The following PLCL2 variants were observed in gnomAD, a reference collection of about 807,000 sequenced individuals.
PLCL2 encodes the protein inactive phospholipase C-like protein 2.
A neutral mutation model predicts 79.6 loss-of-function variants in PLCL2; 4 were observed. The observed-to-expected ratio is 0.05, with a 90% CI of 0.02 to 0.11. The LOEUF is 0.11. Among genes scored for constraint, PLCL2 ranks in the 10% least tolerant of loss-of-function variants. PLCL2 has a pLI of 1.00. For synonymous variants in PLCL2, 484 were observed against 457.7 expected, an observed-to-expected ratio of 1.06 and a Z score of -0.73; for missense variants, 895 against 1,291.0, an observed-to-expected ratio of 0.69 and a Z score of 4.70.
intron 5 of PLCL2, chr3:17,081,058 C>T: frequency 2.4e-6 from 1 of 417,698 alleles, no homozygotes; most frequent in East Asian, 7.1e-5. Context: ...CGTAATCTCT[C>T]TAAACTCAGT....
intron 3 of PLCL2, among the ~76,000 whole-genome samples, chr3:17,015,816 CAG>C (rs2064377876): frequency 6.6e-6 from 1 of 152,182 alleles, no homozygotes; most frequent in South Asian, 2.1e-4. Flanking sequence ...TAAACCTAAA[CAG>C]AAATATTTTT....
At chr3:16,975,655 G>T (rs549895702) in intron 1 of PLCL2, among the ~76,000 whole-genome samples, 1 of 152,268 alleles carries the variant, frequency 6.6e-6, no homozygotes, top group East Asian at 1.9e-4. Context: ...AAGTGGTTGG[G>T]ACGTGGGGCG....
intron 1 of PLCL2, among the ~76,000 whole-genome samples, chr3:16,957,649 A>G (rs1575552434): frequency 6.6e-6 from 1 of 151,938 alleles, no homozygotes; most frequent in Admixed American, 6.6e-5. Context: ...TCCCATTATT[A>G]TTGTGTGGGA....
intron 5 of PLCL2, among the ~76,000 whole-genome samples, chr3:17,079,027 A>T (rs2065135943): frequency 6.6e-6 from 1 of 152,000 alleles, no homozygotes; most frequent in Non-Finnish European, 1.5e-5. Context: ...AAACATTGGG[A>T]CCCCACTCAT....
At chr3:16,891,038 A>C (rs1390040472) in intron 1 of PLCL2, among the ~76,000 whole-genome samples, 1 of 152,226 alleles carries the variant, frequency 6.6e-6, no homozygotes, top group Non-Finnish European at 1.5e-5. Flanking sequence ...TGGCAGGGGT[A>C]ATTAGGTGAA....
chr3:16,937,778 G>C (rs534909609), intron 1 of PLCL2, among the ~76,000 whole-genome samples: 4 of 152,216 alleles, frequency 2.6e-5, no homozygotes, highest in African/African-American at 9.6e-5. Context: ...CCCTGTTGCC[G>C]ATTTTAAAAA....
chr3:17,056,959 C>G (rs1292009373), intron 4 of PLCL2, among the ~76,000 whole-genome samples: 1 of 152,098 alleles, frequency 6.6e-6, no homozygotes, highest in African/African-American at 2.4e-5. Flanking sequence ...GCTTAGCAGA[C>G]TTTATCATCA....
At chr3:17,020,081 TTTATG>T (rs1342594034) in intron 3 of PLCL2, among the ~76,000 whole-genome samples, 2 of 152,190 alleles carry the variant, frequency 1.3e-5, no homozygotes, top group Admixed American at 1.3e-4. Flanking sequence ...TACTATTCTT[TTTATG>T]TTGAGAGTGA....
At chr3:17,078,644 C>G (rs1373232294) in intron 5 of PLCL2, among the ~76,000 whole-genome samples, 1 of 152,136 alleles carries the variant, frequency 6.6e-6, no homozygotes, top group Non-Finnish European at 1.5e-5. Context: ...CCTAAAACTT[C>G]TGCCAAAACA....
chr3:16,953,691 C>T (rs544876388), intron 1 of PLCL2, among the ~76,000 whole-genome samples: 7 of 152,084 alleles, frequency 4.6e-5, no homozygotes, highest in African/African-American at 1.7e-4. Context: ...CCAAAGTGGG[C>T]GTTACCTGTC....
intron 1 of PLCL2, among the ~76,000 whole-genome samples, chr3:16,989,244 A>G (rs1027301380): frequency 3.9e-5 from 6 of 152,178 alleles, no homozygotes; most frequent in African/African-American, 7.2e-5. Flanking sequence ...TCTGAGTTCA[A>G]TGAATATTTG....
In PLCL2 at chr3:17,076,515, A is replaced by AG. The variant is rs549138240; in HGVS notation, c.3204+8450_3204+8451insG. Among the ~76,000 whole-genome samples, 503 of 151,796 alleles carry AG rather than the reference A, an allele frequency of 3.3e-3. 4 individuals are homozygous for AG. The highest frequency in any genetic ancestry group is 4.9e-3 in the Non-Finnish European group (334 of 67,948). On this transcript the variant is annotated intron_variant, in intron 5 of 5. Coordinates refer to ENST00000615277, the MANE Select transcript of PLCL2 (RefSeq NM_001144382.2). ...AGTACTTTCTGTGGTTTAAAAAAAA[A>AG]TTTTTTTGAGACAGGATCTCACTCT... is the stretch of plus-strand genomic sequence containing the variant.
chr3:17,049,698 A>G (rs1487750401), intron 4 of PLCL2, among the ~76,000 whole-genome samples: 1 of 152,212 alleles, frequency 6.6e-6, no homozygotes, highest in Non-Finnish European at 1.5e-5. Context: ...AAAAAAATGG[A>G]AAGATATTTC....
chr3:17,032,045 A>G (rs1042701454), intron 3 of PLCL2, among the ~76,000 whole-genome samples: 1 of 151,840 alleles, frequency 6.6e-6, no homozygotes, highest in South Asian at 2.1e-4. Flanking sequence ...ATTTCGTGAA[A>G]TAAGATTAAA....
At chr3:17,056,877 A>G (rs927817735) in intron 4 of PLCL2, among the ~76,000 whole-genome samples, 2 of 152,168 alleles carry the variant, frequency 1.3e-5, no homozygotes, top group Non-Finnish European at 2.9e-5. Context: ...TGGAGCTTGA[A>G]CTAGGGGCTT....
chr3:16,905,906 C>T (rs1696741292), intron 1 of PLCL2, among the ~76,000 whole-genome samples: 1 of 152,172 alleles, frequency 6.6e-6, no homozygotes, highest in African/African-American at 2.4e-5. Flanking sequence ...GTGCCCATAA[C>T]TCTCCAGGCC....
At chr3:16,996,130 A>G (rs2064150547) in intron 1 of PLCL2, among the ~76,000 whole-genome samples, 1 of 152,232 alleles carries the variant, frequency 6.6e-6, no homozygotes, top group South Asian at 2.1e-4. Context: ...TGGAACAATT[A>G]GGTGAGCACA....
At chr3:16,981,992 G>T (rs991889197) in intron 1 of PLCL2, among the ~76,000 whole-genome samples, 1 of 152,166 alleles carries the variant, frequency 6.6e-6, no homozygotes, top group Non-Finnish European at 1.5e-5. Context: ...GGCCTCTTCA[G>T]ATTCTTTGTA....
At chr3:17,035,328 C>G (rs954558428) in intron 3 of PLCL2, among the ~76,000 whole-genome samples, 21 of 152,146 alleles carry the variant, frequency 1.4e-4, no homozygotes, top group Non-Finnish European at 2.9e-4. Flanking sequence ...GTAAAGCACT[C>G]TGTAACTGTG....
Sources: gnomAD v4.1 joint callset for allele counts (sites outside exome capture counted in the v4.1 genomes callset) on GRCh38, gnomAD v4.1.1 for gene constraint, MANE v1.5 for transcripts, NCBI Gene and HGNC (gene_info 2026-07-23, HGNC 2026-07-21) for gene names.